NFIL3: variants seen among roughly 807,000 people sequenced by gnomAD.
NFIL3 encodes the protein nuclear factor interleukin-3-regulated protein.
NFIL3 carries 5 observed loss-of-function variants against 10.0 expected under a neutral mutation model. The observed-to-expected ratio is 0.50, with a 90% CI of 0.26 to 1.06. The LOEUF is 1.06. Among genes scored for constraint, NFIL3 ranks in the 50% least tolerant of loss-of-function variants. NFIL3 has a pLI of 0.13. For missense variants in NFIL3, 436 were observed against 547.6 expected (o/e 0.80, Z 2.03); for synonymous variants, 202 against 206.5 (o/e 0.98, Z 0.19).
the NFIL3 span, among the ~76,000 whole-genome samples, chr9:91,481,232 G>GAAA: frequency 3.3e-5 from 5 of 152,066 alleles, no homozygotes; most frequent in African/African-American, 1.2e-4. Flanking sequence ...ATTAATTTGA[G>GAAA]ATAATTTTTA....
chr9:91,474,399 T>C, the NFIL3 span, among the ~76,000 whole-genome samples: 1 of 152,178 alleles, frequency 6.6e-6, no homozygotes, highest in Non-Finnish European at 1.5e-5. Context: ...TATTGGTGTA[T>C]AATTTAGGTT....
At chr9:91,427,261 A>G (rs769020888), upstream of NFIL3, 1 of 152,158 alleles carries the variant, frequency 6.6e-6, no homozygotes, top group Non-Finnish European at 1.5e-5. Flanking sequence ...GGACTTACCT[A>G]CCCAGAGGCT....
Position 91,410,699 on chromosome 9 carries a change from C to T in NFIL3, c.36G>A (p.Glu12=). 1.9e-6 allele frequency: 3 copies of T among 1,605,180 alleles called. No individual in the cohort carries two copies. Among genetic ancestry groups the T allele is most frequent in the South Asian group, 2.2e-5 (2 of 89,346 alleles). ...TGCTACTGGCATCAAGAGACGCCTG[C>T]TCCTTTTTGACGGTCTGCATTTTTC... The part of the protein sequence containing the change: ...QLRKMQTVKK[E]QASLDASSNV... The change falls in exon 2 of 2, where the codon GAG becomes GAA. Residue 12 remains glutamate (E), a synonymous_variant. Coordinates refer to ENST00000297689, the MANE Select transcript of NFIL3 (RefSeq NM_005384.3). The surrounding 1 kb of genome is among the most constrained non-coding windows in gnomAD (Gnocchi z 5.7).
At chr9:91,463,603 T>C in the NFIL3 span, among the ~76,000 whole-genome samples, 3 of 152,016 alleles carry the variant, frequency 2.0e-5, no homozygotes. Context: ...TGGTGAATGT[T>C]CCATGTGAGT....
At chr9:91,434,793 A>G in the NFIL3 span, among the ~76,000 whole-genome samples, 6 of 152,330 alleles carry the variant, frequency 3.9e-5, no homozygotes, top group South Asian at 1.2e-3. Flanking sequence ...CTTCACCACT[A>G]TACAATTCAT....
the NFIL3 span, among the ~76,000 whole-genome samples, chr9:91,459,293 G>A: frequency 2.6e-5 from 4 of 152,116 alleles, no homozygotes; most frequent in African/African-American, 9.7e-5. Context: ...GCTCAGTGAA[G>A]CCCATCATGT....
the NFIL3 span, among the ~76,000 whole-genome samples, chr9:91,435,995 AC>A: frequency 0.016 from 2,385 of 152,282 alleles, 14 homozygotes; most frequent in Non-Finnish European, 0.022. Context: ...AATTTACTAA[AC>A]AAAAAAACCC....
Position 91,409,379 on chromosome 9 carries a change from G to A in NFIL3, c.1356C>T (p.Ala452=), listed in dbSNP as rs185039842. Residue 452 remains alanine (A), a synonymous_variant, in exon 2 of 2, where the codon GCC becomes GCT. Coordinates refer to ENST00000297689, the MANE Select transcript of NFIL3 (RefSeq NM_005384.3). ...AEVVSLKRLI[A]TQPISASDSG is the part of the protein sequence containing the mutation. Reference sequence around the variant, plus strand: ...AGTCTGAAGCAGAGATTGGTTGTGTGGCTATAAGTCTCTTGAGTGAGACAA... The same window carrying A: ...AGTCTGAAGCAGAGATTGGTTGTGTAGCTATAAGTCTCTTGAGTGAGACAA... The A allele has an allele frequency of 1.9e-6, 3 of 1,596,752 alleles. No homozygotes were observed. In the Admixed American group the frequency reaches 5.3e-5, roughly 28 times the overall value.
rs371644329 is a variant in NFIL3, at chr9:91,410,642, A to C, written c.93T>G (p.Ala31=). 7 of 1,614,244 alleles carry C rather than the reference A, an allele frequency of 4.3e-6. No homozygotes were observed. Among genetic ancestry groups the C allele is most frequent in the African/African-American group, 4.0e-5 (3 of 75,072 alleles). ...TGGAGTCTTCTGACACTTCCGTTAA[A>C]GCAGAATTAAGGACCATCATCTTGT... ...NVDKMMVLNS[A]LTEVSEDSTT... The change falls in exon 2 of 2, where the codon GCT becomes GCG. Residue 31 remains alanine (A), a synonymous_variant. Coordinates refer to ENST00000297689, the MANE Select transcript of NFIL3 (RefSeq NM_005384.3). The surrounding 1 kb of genome is among the most constrained non-coding windows in gnomAD (Gnocchi z 5.7).
the NFIL3 span, among the ~76,000 whole-genome samples, chr9:91,436,946 T>C: frequency 1.3e-5 from 2 of 152,332 alleles, no homozygotes; most frequent in South Asian, 4.1e-4. Flanking sequence ...GCAAGGGTTT[T>C]GGGGGATGGT....
chr9:91,482,105 A>C, the NFIL3 span, among the ~76,000 whole-genome samples: 1 of 152,190 alleles, frequency 6.6e-6, no homozygotes, highest in Non-Finnish European at 1.5e-5. Flanking sequence ...GGCAATATCC[A>C]TTAAAAAGTT....
At chr9:91,470,421 T>C in the NFIL3 span, among the ~76,000 whole-genome samples, 2 of 134,304 alleles carry the variant, frequency 1.5e-5, no homozygotes, top group Non-Finnish European at 3.1e-5. Context: ...TTCTTCTCTA[T>C]TAGTCTTGCT....
the NFIL3 span, among the ~76,000 whole-genome samples, chr9:91,441,371 C>T: frequency 6.6e-6 from 1 of 152,068 alleles, no homozygotes; most frequent in Non-Finnish European, 1.5e-5. Flanking sequence ...CTTCTTCTAT[C>T]CTCTTACTTT....
At chr9:91,436,589 C>G in the NFIL3 span, among the ~76,000 whole-genome samples, 1 of 142,564 alleles carries the variant, frequency 7.0e-6, no homozygotes, top group African/African-American at 3.0e-5. Context: ...ACAACAACAA[C>G]AACAACAACA....
At chr9:91,481,130 T>C in the NFIL3 span, among the ~76,000 whole-genome samples, 3 of 152,356 alleles carry the variant, frequency 2.0e-5, no homozygotes, top group Middle Eastern at 6.8e-3. Context: ...AAAGACTCCT[T>C]CAGCTAACAA....
chr9:91,471,486 C>CTT, the NFIL3 span, among the ~76,000 whole-genome samples: 160 of 132,086 alleles, frequency 1.2e-3, no homozygotes, highest in African/African-American at 2.1e-3. Flanking sequence ...CAGTCTGTGT[C>CTT]TTTTTTTTTT....
At chr9:91,442,899 A>C in the NFIL3 span, among the ~76,000 whole-genome samples, 13 of 152,118 alleles carry the variant, frequency 8.5e-5, no homozygotes, top group Non-Finnish European at 1.9e-4. Flanking sequence ...GGCATGTTTC[A>C]GCCCTGTTTG....
At chr9:91,437,447 A>C in the NFIL3 span, among the ~76,000 whole-genome samples, 7 of 152,344 alleles carry the variant, frequency 4.6e-5, no homozygotes, top group East Asian at 1.3e-3. Flanking sequence ...TAAAATGGTC[A>C]CTATAAAGAA....
the NFIL3 span, among the ~76,000 whole-genome samples, chr9:91,463,074 C>T: frequency 7.9e-5 from 12 of 151,794 alleles, no homozygotes; most frequent in Non-Finnish European, 1.8e-4. Context: ...ATGTCTTCTA[C>T]ATTTTTATCT....
Sources: gnomAD v4.1 joint callset for allele counts (sites outside exome capture counted in the v4.1 genomes callset) on GRCh38, gnomAD v4.1.1 for gene constraint, Gnocchi (gnomAD v3.1) non-coding constraint, MANE v1.5 for transcripts, NCBI Gene and HGNC (gene_info 2026-07-23, HGNC 2026-07-21) for gene names.